ERBIN: variants seen among roughly 807,000 people sequenced by gnomAD.
ERBIN encodes densin-180-like protein.
ERBIN carries 60 observed loss-of-function variants against 158.4 expected under a neutral mutation model. The observed-to-expected ratio is 0.38, with a 90% CI of 0.31 to 0.47. ERBIN has a LOEUF of 0.47. Among genes scored for constraint, ERBIN ranks in the 20% least tolerant of loss-of-function variants. The pLI is 0.99. For synonymous variants in ERBIN, 594 were observed against 557.2 expected (o/e 1.07, Z -0.93); for missense variants, 1,610 against 1,648.0 (o/e 0.98, Z 0.40).
At chr5:65,939,010 T>C (rs1187714865) in intron 1 of ERBIN, among the ~76,000 whole-genome samples, 1 of 152,226 alleles carries the variant, frequency 6.6e-6, no homozygotes, top group East Asian at 1.9e-4. Flanking sequence ...ACATTTTCTT[T>C]GAACTGCTTA....
chr5:66,014,433 C>T (rs1754508515), intron 6 of ERBIN, among the ~76,000 whole-genome samples: 1 of 152,178 alleles, frequency 6.6e-6, no homozygotes, highest in African/African-American at 2.4e-5. Context: ...GGGATATTCA[C>T]TTTGTCGCTT....
intron 22 of ERBIN, among the ~76,000 whole-genome samples, chr5:66,073,113 C>T (rs1186319177): frequency 6.6e-6 from 1 of 152,064 alleles, no homozygotes; most frequent in Non-Finnish European, 1.5e-5. Flanking sequence ...ATTTCCTGAG[C>T]CATCTGCTAA....
At chr5:65,990,749 G>A (rs1043153383) in intron 2 of ERBIN, among the ~76,000 whole-genome samples, 3 of 151,528 alleles carry the variant, frequency 2.0e-5, no homozygotes, top group African/African-American at 4.9e-5. Flanking sequence ...GATTGAGTAA[G>A]TATAGTAAAA....
At chr5:65,996,696 T>A (rs1446630551) in intron 4 of ERBIN, among the ~76,000 whole-genome samples, 1 of 152,196 alleles carries the variant, frequency 6.6e-6, no homozygotes, top group African/African-American at 2.4e-5. Context: ...GGGATTGGGT[T>A]GAATCTGTAG....
intron 4 of ERBIN, among the ~76,000 whole-genome samples, chr5:66,000,549 A>G (rs1752918738): frequency 6.6e-6 from 1 of 152,274 alleles, no homozygotes; most frequent in East Asian, 1.9e-4. Context: ...TATGTGATCA[A>G]AAGATTTAGG....
Position 66,079,585 on chromosome 5 carries a change from A to C in ERBIN, c.*1055A>C, listed in dbSNP as rs536772307. 15 of 152,734 alleles carry C rather than the reference A, an allele frequency of 9.8e-5. No homozygotes were observed. Among genetic ancestry groups the C allele is most frequent in the African/African-American group, 3.6e-4 (15 of 41,562 alleles). 9.5% of individuals were successfully genotyped at this position (152,734 alleles called of 1,614,324 possible). A position where few individuals can be genotyped will look rare whatever the true frequency, so the allele number is the denominator to read the frequency against. On this transcript the variant is annotated 3_prime_UTR_variant, in exon 26 of 26. Coordinates refer to ENST00000284037, the MANE Select transcript of ERBIN (RefSeq NM_001253697.2). Reference sequence around the variant, plus strand: ...TGCATTGCCTTGGTAAAGTAAAAGGAAACAGTACACTTGGAGCTAGGAAAC... The same window carrying C: ...TGCATTGCCTTGGTAAAGTAAAAGGCAACAGTACACTTGGAGCTAGGAAAC...
At chr5:65,998,894 C>CAAAAAA (rs34966696) in intron 4 of ERBIN, among the ~76,000 whole-genome samples, 2 of 69,930 alleles carry the variant, frequency 2.9e-5, no homozygotes, top group African/African-American at 5.1e-5. Context: ...GACCCTGTCT[C>CAAAAAA]AAAAAAAAAA....
At chr5:65,948,403 T>C (rs1351667299) in intron 1 of ERBIN, among the ~76,000 whole-genome samples, 1 of 152,016 alleles carries the variant, frequency 6.6e-6, no homozygotes, top group African/African-American at 2.4e-5. Flanking sequence ...TCTTGAACTC[T>C]TGAGCTCAAA....
chr5:65,993,573 C>A (rs894197366), intron 3 of ERBIN, among the ~76,000 whole-genome samples: 1 of 151,872 alleles, frequency 6.6e-6, no homozygotes, highest in Non-Finnish European at 1.5e-5. Context: ...TTATCCTATA[C>A]CAGTTAAATT....
intron 24 of ERBIN, 67 bp downstream of exon 24, chr5:66,076,475 T>G (rs994495201): frequency 9.9e-5 from 117 of 1,181,110 alleles, no homozygotes; most frequent in Non-Finnish European, 6.3e-5. Context: ...TACTTAAATG[T>G]AAGTGAAAAT....
intron 14 of ERBIN, among the ~76,000 whole-genome samples, chr5:66,032,805 T>C (rs1192215676): frequency 6.6e-6 from 1 of 152,026 alleles, no homozygotes; most frequent in African/African-American, 2.4e-5. Flanking sequence ...GTTTAAAAGA[T>C]TGCATCAATA....
chr5:66,014,175 C>A (rs1754483890), intron 6 of ERBIN, among the ~76,000 whole-genome samples: 1 of 152,126 alleles, frequency 6.6e-6, no homozygotes, highest in African/African-American at 2.4e-5. Context: ...ATCTAAAAAT[C>A]ATTGATGTAC....
At chr5:66,076,065 C>A in intron 23 of ERBIN, 1 of 437,450 alleles carries the variant, frequency 2.3e-6, no homozygotes, top group Non-Finnish European at 4.0e-6. Flanking sequence ...TAATTGATTC[C>A]TTATCCTCAT....
intron 1 of ERBIN, among the ~76,000 whole-genome samples, chr5:65,938,562 T>G (rs1216903913): frequency 6.6e-6 from 1 of 151,944 alleles, no homozygotes; most frequent in Non-Finnish European, 1.5e-5. Context: ...CTGTTTTGTT[T>G]TTTTTCTTGA....
At chr5:66,012,566 A>G (rs897207982) in intron 5 of ERBIN, among the ~76,000 whole-genome samples, 2 of 152,240 alleles carry the variant, frequency 1.3e-5, no homozygotes, top group Non-Finnish European at 1.5e-5. Flanking sequence ...AGAAAAAACT[A>G]TATGATTGGT....
intron 1 of ERBIN, among the ~76,000 whole-genome samples, chr5:65,966,586 A>G (rs1393187876): frequency 6.9e-6 from 1 of 145,536 alleles, no homozygotes; most frequent in Non-Finnish European, 1.5e-5. Flanking sequence ...AGGCTGAGGC[A>G]GGAGAATCGC....
chr5:66,038,335 AT>A (rs1202916368), intron 14 of ERBIN, 47 bp from the exon 15 acceptor site: 1 of 1,254,852 alleles, frequency 8.0e-7, no homozygotes, highest in East Asian at 2.3e-5. Flanking sequence ...CTGAATATAT[AT>A]TTGCTTTAGG....
intron 13 of ERBIN, among the ~76,000 whole-genome samples, chr5:66,027,894 T>C (rs766177817): frequency 2.0e-5 from 3 of 151,992 alleles, no homozygotes; most frequent in African/African-American, 4.8e-5. Flanking sequence ...TCACTAAGAG[T>C]GTTTCCTATA....
intron 1 of ERBIN, among the ~76,000 whole-genome samples, chr5:65,985,955 T>G (rs1751182443): frequency 6.6e-6 from 1 of 152,138 alleles, no homozygotes; most frequent in Admixed American, 6.5e-5. Context: ...GCCTGGCGTT[T>G]AGAATATCAC....
Sources: gnomAD v4.1 joint callset for allele counts (sites outside exome capture counted in the v4.1 genomes callset) on GRCh38, gnomAD v4.1.1 for gene constraint, MANE v1.5 for transcripts, NCBI Gene and HGNC (gene_info 2026-07-23, HGNC 2026-07-21) for gene names.